BLK: variants seen among roughly 807,000 people sequenced by gnomAD.
BLK encodes the protein tyrosine-protein kinase Blk.
A neutral mutation model predicts 61.8 loss-of-function variants in BLK; 64 were observed. The observed-to-expected ratio is 1.03, with a 90% CI of 0.85 to 1.27. The LOEUF (loss-of-function observed/expected upper bound fraction) is 1.27, where lower values mean the gene tolerates loss of function less well. BLK is among the 50% of genes most tolerant of loss of function. The probability of loss-of-function intolerance (pLI) is 0.00; values close to 1 mark genes in which losing one functional copy is unlikely to be tolerated. For synonymous variants in BLK, 351 were observed against 272.0 expected (o/e 1.29, Z -2.86); for missense variants, 853 against 660.5 (o/e 1.29, Z -3.19).
intron 1 of BLK, among the ~76,000 whole-genome samples, chr8:11,512,877 G>C (rs747224140): frequency 2.0e-5 from 3 of 152,184 alleles, no homozygotes; most frequent in Non-Finnish European, 4.4e-5. Context: ...GTGTTGGCCA[G>C]GCTGGACTCA....
At chr8:11,560,376 T>C (rs1339231971) in intron 10 of BLK, 3 of 208,166 alleles carry the variant, frequency 1.4e-5, no homozygotes, top group Non-Finnish European at 2.9e-5. Flanking sequence ...GATGGATGGG[T>C]GGGTGGATGG....
chr8:11,538,575 G>A (rs975521960), intron 1 of BLK, among the ~76,000 whole-genome samples: 4 of 152,198 alleles, frequency 2.6e-5, no homozygotes, highest in African/African-American at 7.2e-5. Context: ...AACAACCAAT[G>A]TTCAATTATG....
chr8:11,547,883 G>T, intron 3 of BLK, 149 bp from the exon 4 acceptor site: 1 of 738,638 alleles, frequency 1.4e-6, no homozygotes, highest in Non-Finnish European at 2.4e-6. Context: ...GGGGTCACAG[G>T]GCTGGGGGTG....
intron 2 of BLK, 78 bp from the exon 3 acceptor site, chr8:11,545,974 G>C (rs964607017): frequency 6.7e-7 from 1 of 1,489,570 alleles, no homozygotes; most frequent in Non-Finnish European, 9.4e-7. Context: ...CTGGCTGCCC[G>C]GCTCAGCAGT....
intron 1 of BLK, among the ~76,000 whole-genome samples, chr8:11,516,927 T>A (rs1013119626): frequency 6.6e-6 from 1 of 152,262 alleles, no homozygotes; most frequent in African/African-American, 2.4e-5. Flanking sequence ...TCTGTCATTC[T>A]GGATACACAC....
intron 1 of BLK, among the ~76,000 whole-genome samples, chr8:11,507,300 G>A (rs1376657431): frequency 6.6e-6 from 1 of 152,174 alleles, no homozygotes; most frequent in Non-Finnish European, 1.5e-5. Context: ...AAAGAATAAG[G>A]CAGAATGTCC....
chr8:11,562,852 G>A (rs540398540), intron 11 of BLK, 127 bp from the exon 12 acceptor site: 148 of 1,352,778 alleles, frequency 1.1e-4, no homozygotes, highest in African/African-American at 5.9e-4. Context: ...ATGCCTGGCC[G>A]CCCCGCCCTG....
intron 1 of BLK, among the ~76,000 whole-genome samples, chr8:11,500,220 G>C (rs1295096950): frequency 6.6e-6 from 1 of 152,116 alleles, no homozygotes; most frequent in Non-Finnish European, 1.5e-5. Context: ...TTGAGACAAG[G>C]TCTCACTCTG....
chr8:11,560,864 G>A (rs891122146), intron 10 of BLK: 7 of 461,728 alleles, frequency 1.5e-5, no homozygotes, highest in African/African-American at 6.0e-5. Flanking sequence ...AGAGGTCAGC[G>A]ACTTCCCGAG....
chr8:11,543,559 G>T (rs570119348), intron 2 of BLK, among the ~76,000 whole-genome samples: 1 of 152,302 alleles, frequency 6.6e-6, no homozygotes, highest in South Asian at 2.1e-4. Flanking sequence ...TTTCTCGAGG[G>T]CAGCCTTGAA....
chr8:11,521,577 C>A (rs112757952), intron 1 of BLK, among the ~76,000 whole-genome samples: 2,489 of 152,322 alleles, frequency 0.016, 58 homozygotes, highest in African/African-American at 0.057. Context: ...AGGTGTGAGC[C>A]ACTGTACCTG....
At chr8:11,516,489 T>G (rs966568397) in intron 1 of BLK, among the ~76,000 whole-genome samples, 2 of 152,232 alleles carry the variant, frequency 1.3e-5, no homozygotes, top group Non-Finnish European at 2.9e-5. Flanking sequence ...TAATAATCTA[T>G]TGAGAGAAAG....
At chr8:11,561,624 A>G (rs1801510940) in intron 11 of BLK, among the ~76,000 whole-genome samples, 172 bp downstream of exon 11, 1 of 152,152 alleles carries the variant, frequency 6.6e-6, no homozygotes, top group Non-Finnish European at 1.5e-5. Flanking sequence ...GTTCAGCAGA[A>G]TGGTAGTGCC....
intron 1 of BLK, among the ~76,000 whole-genome samples, chr8:11,516,409 C>A (rs993615628): frequency 6.6e-6 from 1 of 152,206 alleles, no homozygotes; most frequent in Non-Finnish European, 1.5e-5. Context: ...CCTTGCGGTG[C>A]AAAGAAAGTT....
chr8:11,517,068 A>C (rs1436427428), intron 1 of BLK, among the ~76,000 whole-genome samples: 1 of 152,208 alleles, frequency 6.6e-6, no homozygotes, highest in Non-Finnish European at 1.5e-5. Context: ...AAGCGATGTG[A>C]TGGGACCTAA....
chr8:11,498,801 G>A (rs751622458), intron 1 of BLK, among the ~76,000 whole-genome samples: 96 of 152,300 alleles, frequency 6.3e-4, no homozygotes, highest in Non-Finnish European at 1.2e-3. Context: ...GCACATCACA[G>A]GATTAACAGA....
chr8:11,501,642 G>A (rs115241949), intron 1 of BLK, among the ~76,000 whole-genome samples: 26 of 152,330 alleles, frequency 1.7e-4, no homozygotes, highest in African/African-American at 5.5e-4. Context: ...ATATGCAATA[G>A]TCTCTGTCCT....
In BLK at chr8:11,563,985, C is replaced by G. The variant is rs1253089134; in HGVS notation, c.1395C>G (p.Tyr465Ter). 1 of 1,606,202 alleles carries G rather than the reference C, an allele frequency of 6.2e-7. No individual in the cohort carries two copies. The highest frequency in any genetic ancestry group is 1.1e-5 in the South Asian group (1 of 90,962). ...CCGACACCTGCCCGCCCGAGCTGTA[C>G]CGCGGCGTCATCGCCGAGTGCTGGC... ...PRPDTCPPEL[Y>*]RGVIAECWRS... Residue 465 changes from tyrosine to a stop codon, truncating the protein, a stop_gained, in exon 13 of 13, where the codon TAC becomes TAG. Transcript: ENST00000259089. LOFTEE classifies it high-confidence loss of function.
At chr8:11,514,261 G>A (rs1174147439) in intron 1 of BLK, among the ~76,000 whole-genome samples, 1 of 152,214 alleles carries the variant, frequency 6.6e-6, no homozygotes, top group Non-Finnish European at 1.5e-5. Context: ...AGCAAATAGA[G>A]CCTTGATCTG....
Sources: gnomAD v4.1 joint callset for allele counts (sites outside exome capture counted in the v4.1 genomes callset) on GRCh38, gnomAD v4.1.1 for gene constraint, MANE v1.5 for transcripts, NCBI Gene and HGNC (gene_info 2026-07-23, HGNC 2026-07-21) for gene names.